PTPN4: variants seen among roughly 807,000 people sequenced by gnomAD.
PTPN4 encodes the protein tyrosine-protein phosphatase non-receptor type 4.
A neutral mutation model predicts 135.5 loss-of-function variants in PTPN4; 49 were observed. The observed-to-expected ratio is 0.36, with a 90% CI of 0.29 to 0.46. PTPN4 has a LOEUF of 0.46. Among genes scored for constraint, PTPN4 ranks in the 20% least tolerant of loss-of-function variants. The probability of loss-of-function intolerance (pLI) is 1.00; values close to 1 mark genes in which losing one functional copy is unlikely to be tolerated. For missense variants in PTPN4, 860 were observed against 1,101.0 expected (o/e 0.78, Z 3.10); for synonymous variants, 333 against 369.9 (o/e 0.90, Z 1.14).
chr2:119,783,658 C>A (rs1369315408), intron 1 of PTPN4, among the ~76,000 whole-genome samples: 1 of 152,206 alleles, frequency 6.6e-6, no homozygotes, highest in Admixed American at 6.5e-5. Flanking sequence ...AAGTACTACT[C>A]TATTACTTTT....
intron 22 of PTPN4, among the ~76,000 whole-genome samples, chr2:119,958,708 A>G (rs552384978): frequency 6.6e-6 from 1 of 152,338 alleles, no homozygotes; most frequent in East Asian, 1.9e-4. Context: ...AAGTCACAAC[A>G]TTTTAATTAG....
intron 10 of PTPN4, among the ~76,000 whole-genome samples, chr2:119,913,759 T>TAAAA (rs200938660): frequency 6.6e-6 from 1 of 151,280 alleles, no homozygotes; most frequent in African/African-American, 2.4e-5. Context: ...TTGTTCCAGT[T>TAAAA]AAAAAAAAAT....
intron 1 of PTPN4, among the ~76,000 whole-genome samples, chr2:119,796,154 A>C (rs1055057276): frequency 3.7e-5 from 3 of 80,574 alleles, no homozygotes; most frequent in Non-Finnish European, 5.5e-5. Flanking sequence ...TGCTGCTCCC[A>C]CAGCTGCTCC....
In PTPN4 at chr2:119,962,710, A is replaced by G; in HGVS notation, c.2375A>G (p.Tyr792Cys). 3 of 1,588,846 alleles carry G rather than the reference A, an allele frequency of 1.9e-6. No individual in the cohort carries two copies. The highest frequency in any genetic ancestry group is 2.3e-5 in the East Asian group (1 of 44,376). ...TCHSEEGNTA[Y>C]IFRKMTLFNQ... ...CACTCTGAAGAAGGAAACACTGCCT[A>G]TATCTTCAGGAAGATGACCCTATTT... is the stretch of plus-strand genomic sequence containing the variant. Residue 792 changes from tyrosine (Y) to cysteine (C), a missense_variant, in exon 24 of 27, where the codon TAT becomes TGT. Coordinates refer to ENST00000263708, the MANE Select transcript of PTPN4 (RefSeq NM_002830.4).
chr2:119,833,772 C>T (rs1452948310), intron 2 of PTPN4, among the ~76,000 whole-genome samples: 1 of 152,138 alleles, frequency 6.6e-6, no homozygotes, highest in African/African-American at 2.4e-5. Context: ...GAGACTTTTC[C>T]TTCTTCATTC....
At chr2:119,865,728 T>A (rs2104990083) in intron 3 of PTPN4, among the ~76,000 whole-genome samples, 1 of 152,212 alleles carries the variant, frequency 6.6e-6, no homozygotes, top group Admixed American at 6.5e-5. Flanking sequence ...AAAACTTATG[T>A]ATGTTACATA....
At chr2:119,827,116 G>A (rs1409525535) in intron 2 of PTPN4, among the ~76,000 whole-genome samples, 1 of 152,160 alleles carries the variant, frequency 6.6e-6, no homozygotes, top group Non-Finnish European at 1.5e-5. Context: ...TGTTTTGTCT[G>A]TAGCCGTACC....
At chr2:119,816,778 GT>G (rs1676993014) in intron 2 of PTPN4, among the ~76,000 whole-genome samples, 1 of 152,194 alleles carries the variant, frequency 6.6e-6, no homozygotes, top group Admixed American at 6.5e-5. Context: ...AAGATAGGAT[GT>G]TGGAAATGGA....
chr2:119,871,133 CAGAG>C (rs1677903349), intron 3 of PTPN4, among the ~76,000 whole-genome samples: 1 of 148,612 alleles, frequency 6.7e-6, no homozygotes, highest in Non-Finnish European at 1.5e-5. Flanking sequence ...ACTGGTTAAT[CAGAG>C]AGATGCCAAT....
intron 5 of PTPN4, among the ~76,000 whole-genome samples, chr2:119,880,672 C>T (rs1440763866): frequency 6.6e-6 from 1 of 151,586 alleles, no homozygotes; most frequent in Non-Finnish European, 1.5e-5. Context: ...GATCTCCTGA[C>T]CTTGTGATCT....
intron 26 of PTPN4, among the ~76,000 whole-genome samples, chr2:119,972,462 G>A (rs72840435): frequency 1.8e-4 from 27 of 152,006 alleles, no homozygotes; most frequent in Non-Finnish European, 3.2e-4. Context: ...GAATTTCTTA[G>A]GATTTTCTTT....
chr2:119,836,962 C>T (rs1209065457), intron 2 of PTPN4, among the ~76,000 whole-genome samples: 4 of 152,184 alleles, frequency 2.6e-5, no homozygotes, highest in African/African-American at 7.2e-5. Flanking sequence ...AGCCTGGGCA[C>T]CGTGGACGAA....
chr2:119,807,938 C>T (rs1428739653), intron 1 of PTPN4, among the ~76,000 whole-genome samples: 1 of 152,150 alleles, frequency 6.6e-6, no homozygotes, highest in African/African-American at 2.4e-5. Context: ...AATCAATAAA[C>T]GTAATCCATC....
At chr2:119,971,258 T>C (rs1679529699) in intron 26 of PTPN4, among the ~76,000 whole-genome samples, 1 of 152,156 alleles carries the variant, frequency 6.6e-6, no homozygotes, top group Admixed American at 6.5e-5. Flanking sequence ...CAGGAGGTGC[T>C]GCATACTTTC....
intron 5 of PTPN4, among the ~76,000 whole-genome samples, chr2:119,878,920 C>T (rs1303498226): frequency 2.6e-5 from 4 of 151,496 alleles, no homozygotes; most frequent in South Asian, 2.1e-4. Context: ...GGTGAAACCC[C>T]ATCTCTACTA....
intron 10 of PTPN4, among the ~76,000 whole-genome samples, chr2:119,903,093 C>T (rs556693502): frequency 5.9e-5 from 9 of 152,136 alleles, no homozygotes; most frequent in Non-Finnish European, 1.0e-4. Flanking sequence ...GACTGTATCT[C>T]GTGCAGTGTC....
intron 1 of PTPN4, among the ~76,000 whole-genome samples, chr2:119,766,075 G>A (rs1690612307): frequency 2.0e-5 from 3 of 152,130 alleles, no homozygotes; most frequent in Admixed American, 1.3e-4. Flanking sequence ...CCAGTGTTTC[G>A]GAGAGCAAGA....
chr2:119,880,939 A>G (rs1678062267), intron 5 of PTPN4, among the ~76,000 whole-genome samples: 1 of 152,142 alleles, frequency 6.6e-6, no homozygotes, highest in Non-Finnish European at 1.5e-5. Context: ...AGAATTTCTA[A>G]TGACTTTTGA....
chr2:119,785,059 C>G (rs1029193493), intron 1 of PTPN4, among the ~76,000 whole-genome samples: 3 of 152,070 alleles, frequency 2.0e-5, no homozygotes, highest in African/African-American at 7.2e-5. Context: ...TGGACCAGAT[C>G]ATTATTTGTA....
Sources: gnomAD v4.1 joint callset for allele counts (sites outside exome capture counted in the v4.1 genomes callset) on GRCh38, gnomAD v4.1.1 for gene constraint, MANE v1.5 for transcripts, NCBI Gene and HGNC (gene_info 2026-07-23, HGNC 2026-07-21) for gene names.